The following ANXA6 variants were observed in gnomAD, a reference collection of about 807,000 sequenced individuals.
The protein encoded by ANXA6 is annexin A6.
In ANXA6, 71 loss-of-function variants were observed where a neutral mutation model predicts 95.4. The ratio of observed to expected loss-of-function variants is 0.74; its 90% CI spans 0.61 to 0.91. The LOEUF (loss-of-function observed/expected upper bound fraction) is 0.91, where lower values mean the gene tolerates loss of function less well. Ranked by LOEUF, ANXA6 falls within the 40% of genes least tolerant of loss-of-function variation. The probability of loss-of-function intolerance (pLI) is 0.00; values close to 1 mark genes in which losing one functional copy is unlikely to be tolerated. For synonymous variants in ANXA6, 289 were observed against 315.9 expected (o/e 0.91, Z 0.90); for missense variants, 830 against 876.4 (o/e 0.95, Z 0.67).
In ANXA6 at chr5:151,122,262, T is replaced by C. The variant is rs112744788; in HGVS notation, c.1234-2A>G. On this transcript the variant is annotated splice_acceptor_variant, in intron 16 of 25. Coordinates refer to ENST00000354546, the MANE Select transcript of ANXA6 (RefSeq NM_001155.5). LOFTEE classifies it high-confidence loss of function. ...AGACTTCAGGTCAGTCATTAAGTCC[T>C]GCAAAGGGCAGAGCCACAGTCATGC... 1 of 1,587,592 alleles carries C rather than the reference T, an allele frequency of 6.3e-7. No individual in the cohort carries two copies. Among genetic ancestry groups the C allele is most frequent in the Non-Finnish European group, 8.6e-7 (1 of 1,162,392 alleles).
intron 25 of ANXA6, among the ~76,000 whole-genome samples, chr5:151,102,328 C>T (rs533128531): frequency 1.8e-4 from 27 of 152,332 alleles, no homozygotes; most frequent in African/African-American, 6.0e-4. Flanking sequence ...CCCATAGTCT[C>T]GTTAGCCAAG....
chr5:151,157,535 ACT>A (rs1270915498), intron 1 of ANXA6, 143 bp downstream of exon 1: 1 of 152,016 alleles, frequency 6.6e-6, no homozygotes, highest in Non-Finnish European at 1.5e-5. Flanking sequence ...AGTCTGCGAC[ACT>A]CTCGGGTTAC....
intron 23 of ANXA6, among the ~76,000 whole-genome samples, chr5:151,107,260 T>A (rs1282027835): frequency 6.6e-6 from 1 of 152,250 alleles, no homozygotes; most frequent in Non-Finnish European, 1.5e-5. Flanking sequence ...GCTTTACATA[T>A]AATTAACTAA....
intron 10 of ANXA6, 132 bp from the exon 11 acceptor site, chr5:151,131,421 A>G: frequency 1.1e-6 from 1 of 894,356 alleles, no homozygotes; most frequent in Non-Finnish European, 1.8e-6. Context: ...CGTTCCTGAT[A>G]GCTCACAGCC....
At chr5:151,116,749 C>T (rs1036174489) in intron 20 of ANXA6, among the ~76,000 whole-genome samples, 1 of 152,202 alleles carries the variant, frequency 6.6e-6, no homozygotes, top group African/African-American at 2.4e-5. Flanking sequence ...AGCACTCAGG[C>T]CCTCTTCTCA....
At chr5:151,152,128 C>T (rs1766122429) in intron 1 of ANXA6, among the ~76,000 whole-genome samples, 1 of 152,182 alleles carries the variant, frequency 6.6e-6, no homozygotes, top group African/African-American at 2.4e-5. Context: ...AGGCATGGGC[C>T]TTCAGGCACA....
In ANXA6 at chr5:151,117,778, T is replaced by C; in HGVS notation, c.1498A>G (p.Ile500Val). ...CTCACCGTGGCCAGAGAAATGAGGA[T>C]CCTCCTGAAGTGGCCAGATGTGTCT... ...SSDTSGHFRR[I>V]LISLATGHRE... Residue 500 changes from isoleucine to valine, a missense_variant, in exon 19 of 26, where the codon ATC becomes GTC. Transcript: ENST00000354546. 1.2e-6 allele frequency: 2 copies of C among 1,613,702 alleles called. No homozygotes were observed. The highest frequency in any genetic ancestry group is 1.7e-6 in the Non-Finnish European group (2 of 1,179,768).
chr5:151,153,685 C>G lies in ANXA6; in HGVS notation c.-26+3995G>C, dbSNP rs568950727. On this transcript the variant is annotated intron_variant, in intron 1 of 25. Coordinates refer to ENST00000354546, the MANE Select transcript of ANXA6 (RefSeq NM_001155.5). ...GTAAGTTGCAAATAATTGATGGTAACACAAAGTAATTCTAATACATACTCC... is the reference window on the plus strand; with the variant it reads ...GTAAGTTGCAAATAATTGATGGTAAGACAAAGTAATTCTAATACATACTCC... Among the ~76,000 whole-genome samples, 4 of 152,336 alleles carry G rather than the reference C, an allele frequency of 2.6e-5. No homozygotes were observed. The South Asian group carries it at 8.3e-4, about 32-fold the overall frequency.
At chr5:151,155,796 G>A (rs1766221880) in intron 1 of ANXA6, 1 of 152,272 alleles carries the variant, frequency 6.6e-6, no homozygotes. Flanking sequence ...TAGAGAGGAA[G>A]GGGCTAAGCC....
chr5:151,135,415 T>C (rs1765630503), intron 7 of ANXA6, among the ~76,000 whole-genome samples: 1 of 152,168 alleles, frequency 6.6e-6, no homozygotes, highest in Non-Finnish European at 1.5e-5. Context: ...CTGGTTAATA[T>C]GGGATTGTTA....
intron 21 of ANXA6, 114 bp from the exon 22 acceptor site, chr5:151,109,960 C>A: frequency 2.6e-6 from 2 of 781,336 alleles, no homozygotes; most frequent in Middle Eastern, 6.3e-4. Flanking sequence ...CTGGGCTCAC[C>A]CAGCCATCCA....
chr5:151,105,401 G>T (rs1206446574), intron 23 of ANXA6, 98 bp from the exon 24 acceptor site: 5 of 1,008,434 alleles, frequency 5.0e-6, no homozygotes, highest in Non-Finnish European at 7.8e-6. Flanking sequence ...GTCTATCCCT[G>T]CATGGGTCTG....
chr5:151,139,518 C>T (rs1257727053), intron 3 of ANXA6, 71 bp from the exon 4 acceptor site: 1 of 1,069,748 alleles, frequency 9.3e-7, no homozygotes, highest in African/African-American at 1.5e-5. Context: ...CCACTTCCTT[C>T]CCTGGACACA....
intron 2 of ANXA6, among the ~76,000 whole-genome samples, chr5:151,142,082 C>T (rs544299625): frequency 5.3e-5 from 8 of 152,362 alleles, no homozygotes; most frequent in Admixed American, 1.3e-4. Flanking sequence ...TGGGGTCCTC[C>T]AGGAATTTCA....
At chr5:151,106,400 C>A (rs1364036810) in intron 23 of ANXA6, among the ~76,000 whole-genome samples, 1 of 152,156 alleles carries the variant, frequency 6.6e-6, no homozygotes, top group East Asian at 1.9e-4. Flanking sequence ...AAGCAAGACT[C>A]CTCTGCAACA....
chr5:151,113,701 C>T (rs1011713207), intron 20 of ANXA6, among the ~76,000 whole-genome samples: 1 of 152,144 alleles, frequency 6.6e-6, no homozygotes, highest in African/African-American at 2.4e-5. Flanking sequence ...TTCTTATTAG[C>T]CTAGCTACTT....
intron 2 of ANXA6, among the ~76,000 whole-genome samples, chr5:151,144,043 A>C (rs1337940075): frequency 6.6e-6 from 1 of 152,142 alleles, no homozygotes; most frequent in Non-Finnish European, 1.5e-5. Flanking sequence ...CATCCACTAG[A>C]AGCGGGGAAG....
chr5:151,111,851 C>T (rs928815455), intron 20 of ANXA6, among the ~76,000 whole-genome samples: 1 of 152,058 alleles, frequency 6.6e-6, no homozygotes, highest in Admixed American at 6.5e-5. Context: ...TGCAGTGGTG[C>T]GATCTCAGCT....
intron 1 of ANXA6, among the ~76,000 whole-genome samples, chr5:151,156,610 G>A (rs1393780396): frequency 3.3e-5 from 5 of 152,104 alleles, no homozygotes; most frequent in African/African-American, 1.2e-4. Flanking sequence ...TCACAAACCC[G>A]GGAGCCATAT....
Sources: allele counts gnomAD v4.1 joint callset (sites outside exome capture counted in the v4.1 genomes callset), GRCh38; gene constraint gnomAD v4.1.1; transcripts MANE v1.5; gene names NCBI Gene and HGNC (gene_info 2026-07-23, HGNC 2026-07-21).